The following PIK3R3 variants were observed in gnomAD, a reference collection of about 807,000 sequenced individuals.
PIK3R3 encodes phosphoinositide-3-kinase regulatory subunit 3.
Under a neutral mutation model 62.9 loss-of-function variants are expected in PIK3R3, and 64 were observed. The ratio of observed to expected loss-of-function variants is 1.02; its 90% CI spans 0.83 to 1.25. The LOEUF (loss-of-function observed/expected upper bound fraction) is 1.25, where lower values mean the gene tolerates loss of function less well. Ranked by LOEUF, PIK3R3 falls within the 50% of genes most tolerant of loss-of-function variation. The pLI is 0.00. For missense variants in PIK3R3, 614 were observed against 561.6 expected (o/e 1.09, Z -0.94); for synonymous variants, 165 against 189.0 (o/e 0.87, Z 1.04).
At chr1:46,150,999 C>T in the PIK3R3 span, among the ~76,000 whole-genome samples, 1 of 151,712 alleles carries the variant, frequency 6.6e-6, no homozygotes. Flanking sequence ...TTAGTAGAGT[C>T]GAGGTTTCAC....
At position 46,044,534 on chromosome 1, in the gene PIK3R3, C is replaced by T. The variant is rs1571337795; in HGVS notation, c.1188-663G>A. On this transcript the variant is annotated intron_variant, in intron 9 of 9. Coordinates refer to ENST00000262741, the MANE Select transcript of PIK3R3 (RefSeq NM_003629.4). This position sits in a 1 kb window ranked among gnomAD's most constrained non-coding sequence, Gnocchi z 4.2. ...TCCTAAGTCTTACAAGAACCATTCTCGCCTACATTTCCACTCAGATAACTT... is the reference window on the plus strand; with the variant it reads ...TCCTAAGTCTTACAAGAACCATTCTTGCCTACATTTCCACTCAGATAACTT... Among the ~76,000 whole-genome samples the T allele has an allele frequency of 6.6e-6, 1 of 152,158 alleles. No individual in the cohort carries two copies. The highest frequency in any genetic ancestry group is 2.4e-5 in the African/African-American group (1 of 41,434).
At chr1:46,156,173 T>C in the PIK3R3 span, among the ~76,000 whole-genome samples, 1 of 152,114 alleles carries the variant, frequency 6.6e-6, no homozygotes, top group African/African-American at 2.4e-5. Flanking sequence ...TTCTTCCTGG[T>C]TTTTCTCATA....
chr1:46,149,696 A>AT, the PIK3R3 span, among the ~76,000 whole-genome samples: 1 of 151,876 alleles, frequency 6.6e-6, no homozygotes, highest in Non-Finnish European at 1.5e-5. Context: ...ACACCCAGCT[A>AT]TTTTTTGTAC....
In PIK3R3 at chr1:46,043,345, A is replaced by T. The variant is rs1203801205; in HGVS notation, c.*328T>A. 5.4e-6 allele frequency: 2 copies of T among 372,004 alleles called. No homozygotes were observed. The highest frequency in any genetic ancestry group is 1.0e-5 in the Non-Finnish European group (2 of 199,006). 23.0% of individuals were successfully genotyped at this position (372,004 alleles called of 1,614,324 possible). The stretch of plus-strand genomic sequence containing the variant: ...ATGGTCTCTTCAGAGGCTTCCAAAT[A>T]CAACCCCACCCGCTATAACCATCAA... On this transcript the variant is annotated 3_prime_UTR_variant, in exon 10 of 10. Transcript: ENST00000262741.
rs368368491 is a variant in PIK3R3, at chr1:46,067,277, T to TATATATATATATATATATATATAA, written c.315-187_315-186insTTATATATATATATATATATATAT. Reference sequence around the variant, plus strand: ...ACATATATATATATATATATATATATAATTCATTTTGCATTGTTTTGTCCA... The same window carrying TATATATATATATATATATATATAA: ...ACATATATATATATATATATATATATATATATATATATATATATATATAAAATTCATTTTGCATTGTTTTGTCCA... On this transcript the variant is annotated intron_variant, in intron 3 of 9. Transcript: ENST00000262741. Among the ~76,000 whole-genome samples the TATATATATATATATATATATATAA allele has an allele frequency of 6.1e-5, 9 of 147,338 alleles. No homozygotes were observed. The East Asian group carries it at 1.0e-3, about 16-fold the overall frequency.
chr1:46,161,898 CTGGCTAACA>C, the PIK3R3 span, among the ~76,000 whole-genome samples: 1 of 151,650 alleles, frequency 6.6e-6, no homozygotes, highest in Admixed American at 6.6e-5. Context: ...CGAGACCATC[CTGGCTAACA>C]TGGTGAAACC....
chr1:46,051,378 AG>A (rs1647330657), intron 7 of PIK3R3, among the ~76,000 whole-genome samples: 2 of 151,986 alleles, frequency 1.3e-5, no homozygotes, highest in African/African-American at 2.4e-5. Context: ...CTCCTGCCTC[AG>A]GCTTCCCACT....
At chr1:46,109,774 G>A (rs769462298) in intron 1 of PIK3R3, among the ~76,000 whole-genome samples, 14 of 152,134 alleles carry the variant, frequency 9.2e-5, no homozygotes, top group Admixed American at 3.9e-4. Flanking sequence ...GAGCTACCAC[G>A]CCCGACCAAT....
At chr1:46,068,740 C>T (rs1284005612) in intron 3 of PIK3R3, among the ~76,000 whole-genome samples, 2 of 152,086 alleles carry the variant, frequency 1.3e-5, no homozygotes, top group African/African-American at 4.8e-5. Context: ...GATGCTGGGC[C>T]TGAATGACCA....
chr1:46,071,951 A>G (rs1416368667), intron 3 of PIK3R3, among the ~76,000 whole-genome samples: 2 of 151,798 alleles, frequency 1.3e-5, no homozygotes, highest in Non-Finnish European at 2.9e-5. Flanking sequence ...AAACAGGACT[A>G]CATCTCACAG....
intron 1 of PIK3R3, among the ~76,000 whole-genome samples, chr1:46,124,926 C>A (rs996453863): frequency 2.0e-5 from 3 of 151,646 alleles, no homozygotes; most frequent in African/African-American, 2.4e-5. Flanking sequence ...GGTGAAACCC[C>A]GTCTCTACTT....
At chr1:46,138,021 C>T (rs537242888), upstream of PIK3R3, among the ~76,000 whole-genome samples, 1 of 152,312 alleles carries the variant, frequency 6.6e-6, no homozygotes, top group African/African-American at 2.4e-5. Flanking sequence ...TCACCACAGA[C>T]GCTGAGTTCC....
At chr1:46,126,669 T>A (rs1655118994) in intron 1 of PIK3R3, among the ~76,000 whole-genome samples, 1 of 151,824 alleles carries the variant, frequency 6.6e-6, no homozygotes, top group African/African-American at 2.4e-5. Context: ...TATGCTAACA[T>A]GTTTGCCAGG....
intron 1 of PIK3R3, among the ~76,000 whole-genome samples, chr1:46,114,642 T>C (rs777145041): frequency 1.3e-5 from 2 of 152,148 alleles, no homozygotes; most frequent in Non-Finnish European, 2.9e-5. Flanking sequence ...ATCTTCTCTG[T>C]CATCTAGGCT....
intron 7 of PIK3R3, among the ~76,000 whole-genome samples, chr1:46,054,909 G>A (rs1464364893): frequency 2.0e-5 from 3 of 152,030 alleles, no homozygotes; most frequent in African/African-American, 7.3e-5. Context: ...ATGTCATTTT[G>A]TTTTTGTTGT....
chr1:46,071,626 G>A (rs566758385), intron 3 of PIK3R3, among the ~76,000 whole-genome samples: 34 of 146,432 alleles, frequency 2.3e-4, no homozygotes, highest in African/African-American at 7.9e-4. Context: ...CCTGGGAGGC[G>A]GAGGTTGCAA....
chr1:46,091,289 T>C (rs1414397095), intron 1 of PIK3R3, among the ~76,000 whole-genome samples: 1 of 151,920 alleles, frequency 6.6e-6, no homozygotes, highest in Non-Finnish European at 1.5e-5. Flanking sequence ...TATAGGCACG[T>C]GCTATCACGC....
upstream of PIK3R3, among the ~76,000 whole-genome samples, chr1:46,137,749 T>C (rs1655982000): frequency 1.3e-5 from 2 of 152,198 alleles, 1 homozygote; most frequent in Non-Finnish European, 2.9e-5. Context: ...TAACCATCAA[T>C]GCCCAGCCCA....
chr1:46,120,877 T>C (rs1654617857), intron 1 of PIK3R3, among the ~76,000 whole-genome samples: 3 of 152,106 alleles, frequency 2.0e-5, no homozygotes. Flanking sequence ...GCCAAAAAGA[T>C]GGGAAAGAAG....
Sources: allele counts gnomAD v4.1 joint callset (sites outside exome capture counted in the v4.1 genomes callset), GRCh38; gene constraint gnomAD v4.1.1; non-coding constraint Gnocchi (gnomAD v3.1); transcripts MANE v1.5; gene names NCBI Gene and HGNC (gene_info 2026-07-23, HGNC 2026-07-21).